The following PARP12 variants were observed in gnomAD, a reference collection of about 807,000 sequenced individuals.
The protein encoded by PARP12 is poly(ADP-ribose) polymerase family member 12.
A neutral mutation model predicts 72.4 loss-of-function variants in PARP12; 59 were observed. That is an observed-to-expected ratio of 0.81 (90% CI 0.66 to 1.01). PARP12 has a LOEUF of 1.01. Among genes scored for constraint, PARP12 ranks in the 50% least tolerant of loss-of-function variants. The pLI, the probability that PARP12 is intolerant of heterozygous loss-of-function variation, is 0.00. For synonymous variants in PARP12, 403 were observed against 371.4 expected (o/e 1.09, Z -0.98); for missense variants, 851 against 914.0 (o/e 0.93, Z 0.89).
At position 140,024,500 on chromosome 7, in the gene PARP12, A is replaced by G. The variant is rs768618990; in HGVS notation, c.*60T>C. The G allele has an allele frequency of 2.6e-6, 4 of 1,546,038 alleles. No individual in the cohort carries two copies. The highest frequency in any genetic ancestry group is 1.8e-6 in the Non-Finnish European group (2 of 1,122,994). ...AAGTTTCTGTTTAAAAAGAAAAGGA[A>G]AGGCCCAAATAGCCATTTCAAGGCA... On this transcript the variant is annotated 3_prime_UTR_variant, in exon 12 of 12. Coordinates refer to ENST00000263549, the MANE Select transcript of PARP12 (RefSeq NM_022750.4).
intron 4 of PARP12, among the ~76,000 whole-genome samples, chr7:140,051,948 A>G (rs1053141459): frequency 6.6e-5 from 10 of 152,226 alleles, no homozygotes; most frequent in African/African-American, 2.4e-4. Flanking sequence ...TAGAAAGCCA[A>G]CAAGTAAAAT....
intron 8 of PARP12, 166 bp from the exon 9 acceptor site, chr7:140,028,854 G>C (rs950835283): frequency 1.8e-6 from 1 of 542,650 alleles, no homozygotes; most frequent in African/African-American, 1.9e-5. Flanking sequence ...TTCACAACAT[G>C]AGAGCACTTT....
At chr7:140,025,162 C>T in intron 11 of PARP12, 1 of 451,044 alleles carries the variant, frequency 2.2e-6, no homozygotes, top group Admixed American at 3.4e-5. Context: ...AACCTAAAGG[C>T]CTGTGGACAC....
intron 9 of PARP12, 90 bp downstream of exon 9, chr7:140,028,523 T>A (rs1815820623): frequency 8.7e-7 from 1 of 1,149,580 alleles, no homozygotes; most frequent in African/African-American, 1.6e-5. Flanking sequence ...TTACAGCTTC[T>A]TCAGTGTTGA....
chr7:140,035,878 G>GGAGGAGGGGGAAGAGGAAGAGGAA (rs1351931737), intron 7 of PARP12, among the ~76,000 whole-genome samples: 1 of 145,302 alleles, frequency 6.9e-6, no homozygotes, highest in African/African-American at 2.6e-5. Context: ...AGGAAGAGGA[G>GGAGGAGGGGGAAGAGGAAGAGGAA]GAGGAAGAGG....
At position 140,056,959 on chromosome 7, in the gene PARP12, C is replaced by T; in HGVS notation, c.657G>A (p.Leu219=). 1 of 1,614,160 alleles carries T rather than the reference C, an allele frequency of 6.2e-7. No individual in the cohort carries two copies. The highest frequency in any genetic ancestry group is 2.2e-5 in the East Asian group (1 of 44,880). Reference sequence around the variant, plus strand: ...TATAAATGGTAGGCAGCCTGCTCACCAGGTCTGAGCTCATACCCAACTTCT... The same window carrying T: ...TATAAATGGTAGGCAGCCTGCTCACTAGGTCTGAGCTCATACCCAACTTCT... The part of the protein sequence containing the change: ...KLEKLGMSSD[L]VSRLPTIYRN... Residue 219 remains leucine, a synonymous_variant, in exon 3 of 12, where the codon CTG becomes CTA. Transcript: ENST00000263549.
intron 6 of PARP12, among the ~76,000 whole-genome samples, chr7:140,040,556 C>T (rs531854739): frequency 6.6e-6 from 1 of 152,336 alleles, no homozygotes; most frequent in Admixed American, 6.5e-5. Context: ...ATGCATCATT[C>T]CACACACGGG....
In PARP12 at chr7:140,054,210, G is replaced by GA. The variant is rs559805419; in HGVS notation, c.862+451dup. Among the ~76,000 whole-genome samples the GA allele has an allele frequency of 7.5e-3, 1,144 of 151,940 alleles. 11 individuals are homozygous for GA. The highest frequency in any genetic ancestry group is 0.017 in the South Asian group (82 of 4,810). On this transcript the variant is annotated intron_variant, in intron 4 of 11. Transcript: ENST00000263549. The stretch of plus-strand genomic sequence containing the variant: ...CTGGATTGTTCACTGGATCAATACA[G>GA]AAAAAAAACCCCAATTTAAACAACT...
chr7:140,058,778 CAGTATTTACA>C lies in PARP12; in HGVS notation c.327-754_327-745del, dbSNP rs563612534. On this transcript the variant is annotated intron_variant, in intron 1 of 11. Transcript: ENST00000263549. The stretch of plus-strand genomic sequence containing the variant: ...ACAATTTTTCAGAAACACTTCCTGA[CAGTATTTACA>C]AGCACCAGAGAAAAACCAGCATGTA... Among the ~76,000 whole-genome samples the C allele has an allele frequency of 5.3e-5, 8 of 152,232 alleles. No individual in the cohort carries two copies. In the South Asian group the frequency reaches 1.7e-3, roughly 32 times the overall value.
At chr7:140,045,254 T>C (rs1267963902) in intron 5 of PARP12, among the ~76,000 whole-genome samples, 1 of 152,112 alleles carries the variant, frequency 6.6e-6, no homozygotes, top group Non-Finnish European at 1.5e-5. Flanking sequence ...GCTAGTTGTG[T>C]ATTCCCAGCC....
At chr7:140,061,848 G>A (rs889398423) in intron 1 of PARP12, among the ~76,000 whole-genome samples, 1 of 151,878 alleles carries the variant, frequency 6.6e-6, no homozygotes, top group Non-Finnish European at 1.5e-5. Context: ...AGAGTAAGGG[G>A]AGGAAAAATC....
At chr7:140,040,781 T>C (rs1816431911) in intron 6 of PARP12, among the ~76,000 whole-genome samples, 1 of 152,236 alleles carries the variant, frequency 6.6e-6, no homozygotes, top group Admixed American at 6.5e-5. Flanking sequence ...AACTTGTACT[T>C]GAGATGGAAT....
At chr7:140,062,096 T>A (rs35064805) in intron 1 of PARP12, among the ~76,000 whole-genome samples, 72,677 of 151,476 alleles carry the variant, frequency 0.48, 19,714 homozygotes, top group African/African-American at 0.72. Context: ...GTAAGCAGAT[T>A]AATAGGGTTG....
intron 1 of PARP12, among the ~76,000 whole-genome samples, chr7:140,059,831 A>G (rs2116679676): frequency 6.6e-6 from 1 of 152,344 alleles, no homozygotes; most frequent in Non-Finnish European, 1.5e-5. Flanking sequence ...GCAGAGCGGA[A>G]GGGCACCTGA....
Position 140,027,344 on chromosome 7 carries a change from C to A in PARP12, c.1560G>T (p.Thr520=). 1 of 1,614,028 alleles carries A rather than the reference C, an allele frequency of 6.2e-7. No homozygotes were observed. The highest frequency in any genetic ancestry group is 1.3e-5 in the African/African-American group (1 of 75,026). ...TCTTCTGAACAAAGTAGAAAGGCAG[C>A]GTGCGGTTAAAGAGGTTCCAGACCT... ...YQKVWNLFNR[T]LPFYFVQKIE... The change falls in exon 10 of 12, where the codon ACG becomes ACT. Residue 520 remains threonine (T), a synonymous_variant. Transcript: ENST00000263549.
chr7:140,043,847 A>G (rs2116597093), intron 5 of PARP12, among the ~76,000 whole-genome samples: 1 of 152,330 alleles, frequency 6.6e-6, no homozygotes, highest in East Asian at 1.9e-4. Flanking sequence ...ACTTTTAAAC[A>G]TAATTAAATT....
chr7:140,037,231 C>T (rs1816240200), intron 7 of PARP12, among the ~76,000 whole-genome samples: 2 of 152,096 alleles, frequency 1.3e-5, no homozygotes, highest in South Asian at 2.1e-4. Flanking sequence ...GGCTGAAGCA[C>T]GAGAATCACT....
intron 6 of PARP12, among the ~76,000 whole-genome samples, chr7:140,039,207 A>G (rs1290661419): frequency 2.6e-5 from 4 of 152,180 alleles, no homozygotes; most frequent in Non-Finnish European, 5.9e-5. Context: ...GAGGAAGAGG[A>G]TGTGGCATAA....
chr7:140,041,109 T>A (rs764555112), intron 6 of PARP12, among the ~76,000 whole-genome samples: 3 of 152,234 alleles, frequency 2.0e-5, no homozygotes, highest in Non-Finnish European at 4.4e-5. Context: ...CTCCCTTTAA[T>A]CTGACCCATC....
Sources: gnomAD v4.1 joint callset for allele counts (sites outside exome capture counted in the v4.1 genomes callset) on GRCh38, gnomAD v4.1.1 for gene constraint, MANE v1.5 for transcripts, NCBI Gene and HGNC (gene_info 2026-07-23, HGNC 2026-07-21) for gene names.